The following CPPED1 variants were observed in gnomAD, a reference collection of about 807,000 sequenced individuals.
CPPED1 encodes calcineurin like phosphoesterase domain containing 1, also known as serine/threonine-protein phosphatase CPPED1.
In CPPED1, 28 loss-of-function variants were observed where a neutral mutation model predicts 28.0. The ratio of observed to expected loss-of-function variants is 1.00; its 90% confidence interval spans 0.74 to 1.37. The LOEUF is 1.37. CPPED1 is among the 40% of genes most tolerant of loss of function. The probability of loss-of-function intolerance (pLI) is 0.00; values close to 1 mark genes in which losing one functional copy is unlikely to be tolerated. For missense variants in CPPED1, 504 were observed against 416.5 expected (o/e 1.21, Z -1.83); for synonymous variants, 198 against 180.2 (o/e 1.10, Z -0.79).
Position 12,704,759 on chromosome 16 carries a change from G to A in CPPED1, c.580C>T (p.Gln194Ter). 6.2e-7 allele frequency: 1 copy of A among 1,614,194 alleles called. No individual in the cohort carries two copies. Among genetic ancestry groups the A allele is most frequent in the Non-Finnish European group, 8.5e-7 (1 of 1,180,036 alleles). The change falls in exon 3 of 4, where the codon CAG becomes TAG. Residue 194 changes from glutamine to a stop codon, truncating the protein, a stop_gained. Transcript: ENST00000381774. LOFTEE classifies it high-confidence loss of function. ...WLDEQLSIAR[Q>*]RHCQHAIVFQ... ...ACGATGGCATGCTGGCAGTGCCGCT[G>A]CCTCGCGATGCTCAGCTGCTCGTCC...
At position 12,665,047 on chromosome 16, in the gene CPPED1, C is replaced by A. The variant is rs769093197; in HGVS notation, c.784G>T (p.Val262Leu). The change falls in exon 4 of 4, where the codon GTG becomes TTG. Residue 262 changes from valine (V) to leucine (L), a missense_variant. Coordinates refer to ENST00000381774, the MANE Select transcript of CPPED1 (RefSeq NM_018340.3). ...TGGCATCCAATGGCAGATGACACCA[C>A]CATGTCGAGGTTCTGGTAGGTACCC... ...AGGTYQNLDM[V>L]VSSAIGCQLG... is the part of the protein sequence containing the mutation. 6.2e-7 allele frequency: 1 copy of A among 1,609,976 alleles called. No homozygotes were observed. The highest frequency in any genetic ancestry group is 1.7e-5 in the Admixed American group (1 of 58,426).
chr16:12,680,259 C>T (rs969909792), intron 3 of CPPED1, among the ~76,000 whole-genome samples: 2 of 152,210 alleles, frequency 1.3e-5, no homozygotes, highest in South Asian at 2.1e-4. Flanking sequence ...CCATTTGCCC[C>T]GAGTCTTATA....
intron 2 of CPPED1, among the ~76,000 whole-genome samples, chr16:12,724,964 T>G (rs2080162508): frequency 6.6e-6 from 1 of 151,866 alleles, no homozygotes; most frequent in African/African-American, 2.4e-5. Context: ...TTTTTTGTAT[T>G]TTTAGTAGAG....
At chr16:12,678,244 A>T (rs2079887715) in intron 3 of CPPED1, among the ~76,000 whole-genome samples, 1 of 152,262 alleles carries the variant, frequency 6.6e-6, no homozygotes, top group Non-Finnish European at 1.5e-5. Context: ...TAGTGAACAC[A>T]AAAAAGGTCA....
intron 3 of CPPED1, among the ~76,000 whole-genome samples, chr16:12,691,095 G>A (rs558976248): frequency 3.9e-4 from 60 of 152,314 alleles, no homozygotes; most frequent in African/African-American, 1.4e-3. Flanking sequence ...AGGACCCAGG[G>A]CCACTGCCCA....
intron 1 of CPPED1, among the ~76,000 whole-genome samples, chr16:12,785,896 T>C (rs979736799): frequency 2.0e-5 from 3 of 150,028 alleles, no homozygotes; most frequent in African/African-American, 4.9e-5. Flanking sequence ...TGAGGTCCAC[T>C]CCTGAAGCAC....
At chr16:12,731,944 C>G (rs2080200014) in intron 2 of CPPED1, among the ~76,000 whole-genome samples, 1 of 151,808 alleles carries the variant, frequency 6.6e-6, no homozygotes, top group African/African-American at 2.4e-5. Flanking sequence ...GGGTGGATCA[C>G]CTGAGGTCAG....
intron 3 of CPPED1, among the ~76,000 whole-genome samples, chr16:12,685,884 C>T (rs2079930142): frequency 6.6e-6 from 1 of 152,226 alleles, no homozygotes; most frequent in African/African-American, 2.4e-5. Context: ...GTCCCCCTTT[C>T]TTCCTCTGGG....
intron 3 of CPPED1, among the ~76,000 whole-genome samples, chr16:12,692,209 G>GT (rs2079967333): frequency 6.6e-6 from 1 of 152,090 alleles, no homozygotes; most frequent in East Asian, 1.9e-4. Context: ...GAGGAAGGTG[G>GT]TTTTTAATAC....
intron 2 of CPPED1, among the ~76,000 whole-genome samples, chr16:12,734,063 T>G (rs1289505340): frequency 1.7e-5 from 1 of 58,958 alleles, no homozygotes; most frequent in East Asian, 3.3e-4. Flanking sequence ...TACACGTTTT[T>G]TTTTTTTTTT....
intron 2 of CPPED1, among the ~76,000 whole-genome samples, chr16:12,760,024 T>C (rs2080399175): frequency 6.6e-6 from 1 of 152,222 alleles, no homozygotes; most frequent in African/African-American, 2.4e-5. Context: ...ATCCTTCCAA[T>C]GGCAGCTGTG....
chr16:12,665,177 C>T (rs2141163154), intron 3 of CPPED1, 62 bp from the exon 4 acceptor site: 2 of 1,467,546 alleles, frequency 1.4e-6, no homozygotes, highest in African/African-American at 1.4e-5. Flanking sequence ...CCTAGGGTCT[C>T]CAGCATTTTA....
At chr16:12,689,241 T>TA (rs1481690497) in intron 3 of CPPED1, among the ~76,000 whole-genome samples, 2 of 146,032 alleles carry the variant, frequency 1.4e-5, no homozygotes, top group African/African-American at 2.5e-5. Context: ...TTTTTTTTTT[T>TA]AAAGACACAG....
intron 2 of CPPED1, among the ~76,000 whole-genome samples, chr16:12,722,543 C>G (rs938527456): frequency 2.0e-5 from 3 of 152,202 alleles, no homozygotes; most frequent in Non-Finnish European, 4.4e-5. Flanking sequence ...TTCAGACCAG[C>G]CTGGGCAACA....
chr16:12,761,462 T>C (rs2080409650), intron 2 of CPPED1, among the ~76,000 whole-genome samples: 1 of 152,176 alleles, frequency 6.6e-6, no homozygotes. Context: ...TATTTCATAA[T>C]AAAACAGCAA....
At chr16:12,751,238 C>T (rs1025382183) in intron 2 of CPPED1, among the ~76,000 whole-genome samples, 1 of 152,086 alleles carries the variant, frequency 6.6e-6, no homozygotes, top group Non-Finnish European at 1.5e-5. Flanking sequence ...ATCTAATAAC[C>T]CTTCTTTTTG....
intron 3 of CPPED1, among the ~76,000 whole-genome samples, chr16:12,684,987 C>T (rs2079925228): frequency 1.3e-5 from 2 of 152,114 alleles, no homozygotes; most frequent in African/African-American, 4.8e-5. Context: ...CCTGATTTTA[C>T]AAAAGAACTG....
intron 1 of CPPED1, among the ~76,000 whole-genome samples, chr16:12,790,638 T>C (rs2141244210): frequency 6.6e-6 from 1 of 152,298 alleles, no homozygotes; most frequent in East Asian, 1.9e-4. Flanking sequence ...AAAGTCACAT[T>C]GGCCGGTCGC....
At chr16:12,778,194 G>A (rs913349571) in intron 2 of CPPED1, among the ~76,000 whole-genome samples, 1 of 151,406 alleles carries the variant, frequency 6.6e-6, no homozygotes, top group Non-Finnish European at 1.5e-5. Context: ...ACAGGTGTGA[G>A]CCACCATGCC....
Sources: allele counts gnomAD v4.1 joint callset (sites outside exome capture counted in the v4.1 genomes callset), GRCh38; gene constraint gnomAD v4.1.1; transcripts MANE v1.5; gene names NCBI Gene and HGNC (gene_info 2026-07-23, HGNC 2026-07-21).